Variants in PLEKHG1 observed in about 807,000 individuals in gnomAD.
PLEKHG1 encodes pleckstrin homology and RhoGEF domain containing G1, also known as pleckstrin homology domain-containing family G member 1.
A neutral mutation model predicts 100.8 loss-of-function variants in PLEKHG1; 44 were observed. The observed-to-expected ratio is 0.44, with a 90% CI of 0.34 to 0.56. The LOEUF is 0.56. Among genes scored for constraint, PLEKHG1 ranks in the 20% least tolerant of loss-of-function variants. The pLI is 0.01. For missense variants in PLEKHG1, 1,545 were observed against 1,720.9 expected (o/e 0.90, Z 1.81); for synonymous variants, 640 against 662.5 (o/e 0.97, Z 0.52).
At position 150,755,262 on chromosome 6, in the gene PLEKHG1, C is replaced by G. The variant is rs1783768325; in HGVS notation, c.412-13376C>G. Among the ~76,000 whole-genome samples the G allele has an allele frequency of 2.0e-5, 3 of 152,246 alleles. No homozygotes were observed. The South Asian group carries it at 6.2e-4, about 32-fold the overall frequency. Reference sequence around the variant, plus strand: ...AAGTGCTAGGACTATAGGCATGAGCCACCGCGCCTGGCCGGCATCCAGGAC... The same window carrying G: ...AAGTGCTAGGACTATAGGCATGAGCGACCGCGCCTGGCCGGCATCCAGGAC... On this transcript the variant is annotated intron_variant, in intron 2 of 15. Coordinates refer to ENST00000358517, the Ensembl canonical transcript of PLEKHG1.
At chr6:150,704,065 G>T (rs910579167) in intron 3 of PLEKHG1, among the ~76,000 whole-genome samples, 2 of 152,212 alleles carry the variant, frequency 1.3e-5, no homozygotes, top group Non-Finnish European at 2.9e-5. Context: ...CTTTATCGGT[G>T]CTGAGTTTCG....
At chr6:150,611,732 A>G (rs1362393710) in intron 1 of PLEKHG1, among the ~76,000 whole-genome samples, 1 of 151,184 alleles carries the variant, frequency 6.6e-6, no homozygotes, top group African/African-American at 2.4e-5. Context: ...GAGTCGCTTC[A>G]ACTCGGTAGG....
chr6:150,760,772 C>A (rs1784112783), intron 2 of PLEKHG1, among the ~76,000 whole-genome samples: 1 of 152,060 alleles, frequency 6.6e-6, no homozygotes, highest in East Asian at 1.9e-4. Context: ...AACTGTCTAC[C>A]TCTGTCAGTT....
intron 1 of PLEKHG1, among the ~76,000 whole-genome samples, chr6:150,637,150 AAT>A (rs968239621): frequency 6.6e-6 from 1 of 152,206 alleles, no homozygotes; most frequent in African/African-American, 2.4e-5. Flanking sequence ...CCAAACTATG[AAT>A]ATGTTTTTTG....
chr6:150,739,498 T>TCTCTA (rs1782737493), intron 2 of PLEKHG1, among the ~76,000 whole-genome samples: 1 of 151,968 alleles, frequency 6.6e-6, no homozygotes. Flanking sequence ...TGAAACTCCA[T>TCTCTA]CTCTACTAAA....
chr6:150,779,573 T>G (rs1354914756), intron 3 of PLEKHG1, among the ~76,000 whole-genome samples: 1 of 151,696 alleles, frequency 6.6e-6, no homozygotes, highest in Non-Finnish European at 1.5e-5. Flanking sequence ...CTCAAACTCC[T>G]GACCTCAGGT....
At chr6:150,822,150 CAAAAAAAAAAAAAAAA>C (rs58672381) in intron 13 of PLEKHG1, among the ~76,000 whole-genome samples, 3 of 36,700 alleles carry the variant, frequency 8.2e-5, no homozygotes, top group East Asian at 1.2e-3. Context: ...CCAAAGGACT[CAAAAAAAAAAAAAAAA>C]AAAAAAAAAA....
At chr6:150,822,769 C>T (rs1448919918) in intron 13 of PLEKHG1, among the ~76,000 whole-genome samples, 16 of 152,174 alleles carry the variant, frequency 1.1e-4, no homozygotes, top group Admixed American at 1.0e-3. Flanking sequence ...CACCTGAGGT[C>T]AGGAGTTCGT....
chr6:150,808,810 G>T (rs999046992), intron 7 of PLEKHG1, among the ~76,000 whole-genome samples: 3 of 151,922 alleles, frequency 2.0e-5, no homozygotes, highest in Admixed American at 2.0e-4. Context: ...GTGGCCCCTG[G>T]ACCTGGCTTT....
At chr6:150,840,611 G>A (rs1363209824) in exon 16 of PLEKHG1, 20 of 1,614,120 alleles carry the variant, frequency 1.2e-5, no homozygotes, top group Middle Eastern at 1.6e-4. Flanking sequence ...ATGAGTCGGA[G>A]TTGGAGCTAT....
At chr6:150,721,554 G>A (rs571675547) in intron 1 of PLEKHG1, among the ~76,000 whole-genome samples, 1 of 152,286 alleles carries the variant, frequency 6.6e-6, no homozygotes, top group African/African-American at 2.4e-5. Context: ...CAGTTGTCAC[G>A]CGCCGAATGC....
chr6:150,617,198 T>C (rs1055837172), intron 1 of PLEKHG1, among the ~76,000 whole-genome samples: 13 of 152,252 alleles, frequency 8.5e-5, no homozygotes, highest in African/African-American at 3.1e-4. Flanking sequence ...GGTGGTATGC[T>C]TCTGGTGAAG....
chr6:150,651,444 G>C (rs1778728121), intron 3 of PLEKHG1, among the ~76,000 whole-genome samples: 1 of 152,096 alleles, frequency 6.6e-6, no homozygotes, highest in Non-Finnish European at 1.5e-5. Flanking sequence ...ACGTTGGCCA[G>C]GCTGGTCATG....
At chr6:150,599,956 C>A in exon 1 of PLEKHG1, 1 of 228,288 alleles carries the variant, frequency 4.4e-6, no homozygotes, top group Non-Finnish European at 9.0e-6. Flanking sequence ...CGCAGCGCAG[C>A]CCGCACCCTC....
chr6:150,681,140 A>C (rs1490292613), intron 3 of PLEKHG1, among the ~76,000 whole-genome samples: 1 of 152,202 alleles, frequency 6.6e-6, no homozygotes, highest in African/African-American at 2.4e-5. Context: ...TAAAGACAGC[A>C]TGGGAGTTAG....
chr6:150,788,441 G>T (rs573466391), intron 4 of PLEKHG1, among the ~76,000 whole-genome samples: 1 of 152,330 alleles, frequency 6.6e-6, no homozygotes, highest in Admixed American at 6.5e-5. Flanking sequence ...CCTGCACAGA[G>T]ATTCATCTTT....
At position 150,662,821 on chromosome 6, in the gene PLEKHG1, A is replaced by G. The variant is rs545204600; in HGVS notation, c.-99+12035A>G. 7.9e-5 allele frequency: 12 copies of G among 152,344 alleles called. No homozygotes were observed. In the South Asian group the frequency reaches 2.5e-3, roughly 32 times the overall value. 9.4% of individuals were successfully genotyped at this position (152,344 alleles called of 1,614,324 possible). A position where few individuals can be genotyped will look rare whatever the true frequency, so the allele number is the denominator to read the frequency against. The stretch of plus-strand genomic sequence containing the variant: ...TCAAAGCTTTTTCCTCTGAAACGCA[A>G]TGAACTGTTCTACCACTTCCTACAC... On this transcript the variant is annotated intron_variant, in intron 3 of 3. Coordinates refer to the PLEKHG1 transcript ENST00000367326.
At chr6:150,617,909 G>A (rs1777137042) in intron 1 of PLEKHG1, among the ~76,000 whole-genome samples, 3 of 152,210 alleles carry the variant, frequency 2.0e-5, no homozygotes, top group Admixed American at 6.5e-5. Context: ...AGGAGCACTG[G>A]AAAGCTTATA....
At chr6:150,830,521 C>A (rs1776855943) in intron 14 of PLEKHG1, 61 bp from the exon 16 acceptor site, 2 of 1,257,492 alleles carry the variant, frequency 1.6e-6, no homozygotes, top group African/African-American at 3.0e-5. Context: ...GGAGAAATTC[C>A]TGAGTTATGT....
Sources: gnomAD v4.1 joint callset for allele counts (sites outside exome capture counted in the v4.1 genomes callset) on GRCh38, gnomAD v4.1.1 for gene constraint, MANE v1.5 for transcripts, NCBI Gene and HGNC (gene_info 2026-07-23, HGNC 2026-07-21) for gene names.